SPACA6: variants seen among roughly 807,000 people sequenced by gnomAD.
The protein encoded by SPACA6 is sperm acrosome membrane-associated protein 6.
For synonymous variants in SPACA6, 6 were observed against 1.5 expected (o/e 4.05, Z -2.21); for missense variants, 8 against 2.8 (o/e 2.88, Z -1.34).
rs932479891 is a variant in SPACA6, at chr19:51,693,439, C to T, written c.-88C>T. The T allele has an allele frequency of 5.0e-6, 3 of 604,002 alleles. No individual in the cohort carries two copies. The highest frequency in any genetic ancestry group is 9.6e-6 in the Non-Finnish European group (3 of 313,304). The allele number at this position is 604,002 out of a possible 1,614,324, so 37.4% of individuals were successfully genotyped here. The stretch of plus-strand genomic sequence containing the variant: ...ATTTGACCACCAACTGAAACCTGAC[C>T]TCTGACCCCAGACCACTGGCCCTTC... On this transcript the variant is annotated 5_prime_UTR_variant, in exon 1 of 9. Transcript: ENST00000637797.
intron 2 of SPACA6, among the ~76,000 whole-genome samples, chr19:51,700,623 A>T (rs751945239): frequency 6.6e-5 from 10 of 152,232 alleles, no homozygotes; most frequent in Non-Finnish European, 1.3e-4. Flanking sequence ...AATTCATTGT[A>T]CAAATACTTA....
At chr19:51,689,665 T>G (rs1192310903), upstream of SPACA6, 1 of 50,438 alleles carries the variant, frequency 2.0e-5, no homozygotes, top group Admixed American at 2.9e-4. Context: ...GGCCTGGATT[T>G]CAGGGTTCTT....
At chr19:51,692,202 G>A (rs1479316644), upstream of SPACA6, among the ~76,000 whole-genome samples, 2 of 152,132 alleles carry the variant, frequency 1.3e-5, no homozygotes, top group African/African-American at 4.8e-5. The surrounding 1 kb of genome is among the most constrained non-coding windows in gnomAD (Gnocchi z 5.6). Flanking sequence ...AAGCAGGTGT[G>A]CCCAAAGGGC....
intron 2 of SPACA6, among the ~76,000 whole-genome samples, chr19:51,698,762 C>CT (rs966581814): frequency 4.7e-4 from 71 of 152,256 alleles, no homozygotes; most frequent in African/African-American, 1.7e-3. Flanking sequence ...ACGCTTTCCC[C>CT]TGTCCCTGCA....
chr19:51,691,079 G>T (rs572375447), upstream of SPACA6, among the ~76,000 whole-genome samples: 2 of 65,462 alleles, frequency 3.1e-5, no homozygotes, highest in African/African-American at 1.9e-4. Context: ...CCCCTTTCCC[G>T]CCTCTCCTCC....
At chr19:51,691,418 A>G (rs377364083), upstream of SPACA6, among the ~76,000 whole-genome samples, 7 of 149,040 alleles carry the variant, frequency 4.7e-5, no homozygotes, top group South Asian at 1.5e-3. Context: ...GAGAAAGAGG[A>G]GAGAGACTGA....
chr19:51,694,268 A>C, intron 1 of SPACA6: 2 of 322,666 alleles, frequency 6.2e-6, no homozygotes, highest in East Asian at 4.6e-5. Context: ...GACTAGGGGA[A>C]GCAGGATAGC....
chr19:51,705,264 A>G (rs1349525090), downstream of SPACA6: 2 of 397,270 alleles, frequency 5.0e-6, no homozygotes, highest in Non-Finnish European at 8.9e-6. Context: ...ACATGCCCAG[A>G]TGAATATGGC....
chr19:51,704,424 G>C lies in SPACA6; in HGVS notation c.885G>C (p.Leu295=). ...ARPEALTPSN[L]FLLAVLGALA... is the part of the protein sequence containing the mutation. Reference sequence around the variant, plus strand: ...CCGAGGCTCTGACGCCCAGCAATCTGTTCCTGCTTGCAGTCCTCGGGGCCC... The same window carrying C: ...CCGAGGCTCTGACGCCCAGCAATCTCTTCCTGCTTGCAGTCCTCGGGGCCC... The change falls in exon 8 of 9, where the codon CTG becomes CTC. Residue 295 remains leucine (L), a synonymous_variant. Coordinates refer to ENST00000637797, the MANE Select transcript of SPACA6 (RefSeq NM_001316972.2). 2.5e-6 allele frequency: 1 copy of C among 401,234 alleles called. No individual in the cohort carries two copies. The highest frequency in any genetic ancestry group is 4.4e-6 in the Non-Finnish European group (1 of 226,274). The allele number at this position is 401,234 out of a possible 1,614,324, so 24.9% of individuals were successfully genotyped here. A position where few individuals can be genotyped will look rare whatever the true frequency, so the allele number is the denominator to read the frequency against.
chr19:51,702,637 T>G lies in SPACA6; in HGVS notation c.370T>G (p.Cys124Gly), dbSNP rs2083478278. 2 of 399,092 alleles carry G rather than the reference T, an allele frequency of 5.0e-6. No individual in the cohort carries two copies. The highest frequency in any genetic ancestry group is 6.2e-4 in the Middle Eastern group (1 of 1,610). 24.7% of individuals were successfully genotyped at this position (399,092 alleles called of 1,614,324 possible). A position where few individuals can be genotyped will look rare whatever the true frequency, so the allele number is the denominator to read the frequency against. Reference protein sequence around the residue: ...VITQLKEAQACIPPCGLQEFA... With the variant: ...VITQLKEAQAGIPPCGLQEFA... ...TTCCTCTTCCTCCACAGCCCAGGCT[T>G]GCATCCCTCCCTGCGGTAAGGACTT... The change falls in exon 4 of 9, where the codon TGC becomes GGC. Residue 124 changes from cysteine (C) to glycine (G), a missense_variant. Transcript: ENST00000637797.
At position 51,693,507 on chromosome 19, in the gene SPACA6, C is replaced by A; in HGVS notation, c.-20C>A. The A allele has an allele frequency of 2.0e-6, 1 of 504,588 alleles. No homozygotes were observed. The highest frequency in any genetic ancestry group is 3.1e-5 in the South Asian group (1 of 31,804). 31.3% of individuals were successfully genotyped at this position (504,588 alleles called of 1,614,324 possible). A position where few individuals can be genotyped will look rare whatever the true frequency, so the allele number is the denominator to read the frequency against. The stretch of plus-strand genomic sequence containing the variant: ...TTCATAAAGGTTACTAGCTTCTCCC[C>A]TGGCCTTGAGACCCACACGATGGCC... On this transcript the variant is annotated 5_prime_UTR_variant, in exon 1 of 9. In the 5' UTR this introduces an upstream ATG that the reference lacks. Transcript: ENST00000637797.
chr19:51,702,937 G>C, intron 4 of SPACA6, 84 bp from the exon 5 acceptor site: 1 of 399,164 alleles, frequency 2.5e-6, no homozygotes. Context: ...TGGACCCCGG[G>C]AAGCTGCATG....
chr19:51,686,509 C>G (rs1254237205), upstream of SPACA6: 1 of 152,196 alleles, frequency 6.6e-6, no homozygotes, highest in Non-Finnish European at 1.5e-5. Flanking sequence ...GACAGTAACT[C>G]TAGATCGTAA....
chr19:51,709,944 T>C (rs1266225254), downstream of SPACA6, among the ~76,000 whole-genome samples: 2 of 152,134 alleles, frequency 1.3e-5, no homozygotes, highest in Non-Finnish European at 2.9e-5. Context: ...CCCTCTGCCA[T>C]GTTGGAAATA....
chr19:51,709,420 G>A (rs2083531344), downstream of SPACA6, among the ~76,000 whole-genome samples: 1 of 151,132 alleles, frequency 6.6e-6, no homozygotes. Context: ...TGGAGGTTGA[G>A]GCAGGAGAAC....
chr19:51,701,924 T>G (rs2083471418), intron 3 of SPACA6, among the ~76,000 whole-genome samples, 198 bp downstream of exon 3: 1 of 152,150 alleles, frequency 6.6e-6, no homozygotes, highest in Non-Finnish European at 1.5e-5. Context: ...ATACTAAAAT[T>G]AGCTGGGCGT....
chr19:51,711,825 A>G (rs2122238923), intron 2 of SPACA6, among the ~76,000 whole-genome samples: 1 of 152,338 alleles, frequency 6.6e-6, no homozygotes, highest in East Asian at 1.9e-4. Flanking sequence ...AAATAGCCAG[A>G]ATAGGTAAAT....
chr19:51,687,423 A>G (rs1197417850), upstream of SPACA6: 1 of 151,514 alleles, frequency 6.6e-6, no homozygotes, highest in Non-Finnish European at 1.5e-5. Context: ...GGAATATTAT[A>G]TCACTATTAA....
chr19:51,708,915 G>A (rs111558263), downstream of SPACA6, among the ~76,000 whole-genome samples: 6 of 152,158 alleles, frequency 3.9e-5, 1 homozygote, highest in African/African-American at 1.4e-4. Flanking sequence ...CCCTGAGGCA[G>A]GAGTGCCAGG....
Sources: allele counts gnomAD v4.1 joint callset (sites outside exome capture counted in the v4.1 genomes callset), GRCh38; gene constraint gnomAD v4.1.1; non-coding constraint Gnocchi (gnomAD v3.1); transcripts MANE v1.5; gene names NCBI Gene and HGNC (gene_info 2026-07-23, HGNC 2026-07-21).